The following LINGO2 variants were observed in gnomAD, a reference collection of about 807,000 sequenced individuals.
LINGO2 encodes leucine-rich repeat and immunoglobulin-like domain-containing nogo receptor-interacting protein 2.
In LINGO2, 14 loss-of-function variants were observed where a neutral mutation model predicts 30.6. The ratio of observed to expected loss-of-function variants is 0.46; its 90% CI spans 0.30 to 0.72. The LOEUF is 0.72. Among genes scored for constraint, LINGO2 ranks in the 30% least tolerant of loss-of-function variants. The pLI, the probability that LINGO2 is intolerant of heterozygous loss-of-function variation, is 0.07. For synonymous variants in LINGO2, 317 were observed against 288.5 expected, an observed-to-expected ratio of 1.10 and a Z score of -1.00; for missense variants, 729 against 751.7, an observed-to-expected ratio of 0.97 and a Z score of 0.35.
At chr9:28,632,458 C>T (rs1435621757) in intron 1 of LINGO2, among the ~76,000 whole-genome samples, 4 of 150,852 alleles carry the variant, frequency 2.7e-5, no homozygotes, top group African/African-American at 9.7e-5. Context: ...TAAGCAAAAA[C>T]GGGGGTTTTC....
At chr9:28,012,964 C>T (rs7036263) in intron 4 of LINGO2, among the ~76,000 whole-genome samples, 15,664 of 151,974 alleles carry the variant, frequency 0.1, 822 homozygotes, top group African/African-American at 0.11. Flanking sequence ...ATTCTGATTG[C>T]GGAATTACAT....
chr9:28,826,506 AG>A, the LINGO2 span, among the ~76,000 whole-genome samples: 1 of 152,148 alleles, frequency 6.6e-6, no homozygotes, highest in Non-Finnish European at 1.5e-5. Flanking sequence ...AGAGCATCAC[AG>A]GCCTGCCAAA....
intron 4 of LINGO2, among the ~76,000 whole-genome samples, chr9:28,034,603 T>C (rs1195456880): frequency 1.3e-5 from 2 of 152,150 alleles, no homozygotes; most frequent in African/African-American, 4.8e-5. Context: ...TAATATCTCT[T>C]GGCTGTAGAA....
chr9:28,883,517 A>T, the LINGO2 span, among the ~76,000 whole-genome samples: 5 of 150,676 alleles, frequency 3.3e-5, no homozygotes, highest in African/African-American at 4.9e-5. Flanking sequence ...CCCCACTCAA[A>T]CCATAATAAG....
At chr9:28,160,154 T>C (rs552205128) in intron 4 of LINGO2, among the ~76,000 whole-genome samples, 13 of 152,318 alleles carry the variant, frequency 8.5e-5, no homozygotes, top group Middle Eastern at 6.8e-3. Context: ...AATATAGGCA[T>C]TGTCTAATGT....
At chr9:28,494,600 CT>C (rs1260435972) in intron 1 of LINGO2, among the ~76,000 whole-genome samples, 1 of 152,166 alleles carries the variant, frequency 6.6e-6, no homozygotes, top group East Asian at 1.9e-4. Flanking sequence ...GCCACATTTT[CT>C]TAATCCAGTC....
intron 4 of LINGO2, among the ~76,000 whole-genome samples, chr9:28,272,117 C>T (rs1822961089): frequency 6.6e-6 from 1 of 152,126 alleles, no homozygotes; most frequent in African/African-American, 2.4e-5. Flanking sequence ...AGCCTTAATA[C>T]AAGCTACCCC....
the LINGO2 span, among the ~76,000 whole-genome samples, chr9:28,918,918 C>T: frequency 6.6e-6 from 1 of 152,206 alleles, no homozygotes; most frequent in African/African-American, 2.4e-5. Context: ...AGGGAATCAA[C>T]AAAGAGACTA....
At chr9:27,989,916 A>G (rs1821310653) in intron 5 of LINGO2, among the ~76,000 whole-genome samples, 1 of 152,068 alleles carries the variant, frequency 6.6e-6, no homozygotes, top group African/African-American at 2.4e-5. Flanking sequence ...TCTTAACAAT[A>G]GTTGGACTAA....
At chr9:28,884,876 A>G in the LINGO2 span, among the ~76,000 whole-genome samples, 1 of 137,322 alleles carries the variant, frequency 7.3e-6, no homozygotes, top group African/African-American at 2.7e-5. Flanking sequence ...ACACACATAT[A>G]CACTATATAT....
the LINGO2 span, among the ~76,000 whole-genome samples, chr9:28,772,445 A>C: frequency 6.6e-6 from 1 of 152,214 alleles, no homozygotes; most frequent in Non-Finnish European, 1.5e-5. Flanking sequence ...TTGCATGTAC[A>C]TAACAGCAGC....
chr9:29,111,822 T>G, the LINGO2 span, among the ~76,000 whole-genome samples: 1 of 94,926 alleles, frequency 1.1e-5, no homozygotes, highest in Non-Finnish European at 2.4e-5. Context: ...GATTTAAAGA[T>G]ATATATATAT....
chr9:28,088,087 G>C (rs1038240898), intron 4 of LINGO2, among the ~76,000 whole-genome samples: 1 of 151,692 alleles, frequency 6.6e-6, no homozygotes, highest in Non-Finnish European at 1.5e-5. Flanking sequence ...AACTAATTTC[G>C]GATAAGAGAT....
At chr9:28,342,392 C>A (rs1269862865) in intron 3 of LINGO2, among the ~76,000 whole-genome samples, 1 of 152,044 alleles carries the variant, frequency 6.6e-6, no homozygotes, top group Non-Finnish European at 1.5e-5. Context: ...ACGTGTCATC[C>A]CATCCCCTAT....
chr9:28,000,526 C>A (rs1821895481), intron 5 of LINGO2, among the ~76,000 whole-genome samples: 1 of 152,106 alleles, frequency 6.6e-6, no homozygotes, highest in Non-Finnish European at 1.5e-5. Context: ...CTTTAGGCAC[C>A]AGACTTTTAC....
intron 4 of LINGO2, among the ~76,000 whole-genome samples, chr9:28,074,912 T>C (rs944318151): frequency 8.6e-5 from 13 of 151,570 alleles, no homozygotes; most frequent in Admixed American, 4.6e-4. Context: ...TCTTTTAAAG[T>C]ACACAATTTA....
chr9:28,388,567 A>T (rs1821694527), intron 2 of LINGO2, among the ~76,000 whole-genome samples: 1 of 152,208 alleles, frequency 6.6e-6, no homozygotes, highest in Non-Finnish European at 1.5e-5. Flanking sequence ...ATCTTTGCCA[A>T]AACTTCATAT....
chr9:28,180,946 C>G (rs1828894269), intron 4 of LINGO2, among the ~76,000 whole-genome samples: 1 of 152,106 alleles, frequency 6.6e-6, no homozygotes, highest in South Asian at 2.1e-4. Context: ...GCCAATGTAG[C>G]CTTCTATGTA....
chr9:29,081,272 TC>T, the LINGO2 span, among the ~76,000 whole-genome samples: 3 of 152,168 alleles, frequency 2.0e-5, no homozygotes, highest in African/African-American at 7.2e-5. Flanking sequence ...CAAGGCTGGT[TC>T]AACATACACA....
Sources: gnomAD v4.1 joint callset for allele counts (sites outside exome capture counted in the v4.1 genomes callset) on GRCh38, gnomAD v4.1.1 for gene constraint, MANE v1.5 for transcripts, NCBI Gene and HGNC (gene_info 2026-07-23, HGNC 2026-07-21) for gene names.